The following ATRNL1 variants were observed in gnomAD, a reference collection of about 807,000 sequenced individuals.
ATRNL1 encodes attractin like 1.
A neutral mutation model predicts 182.7 loss-of-function variants in ATRNL1; 95 were observed. The ratio of observed to expected loss-of-function variants is 0.52; its 90% CI spans 0.44 to 0.62. The LOEUF (loss-of-function observed/expected upper bound fraction) is 0.62. Among genes scored for constraint, ATRNL1 ranks in the 20% least tolerant of loss-of-function variants. The pLI is 0.00. For synonymous variants in ATRNL1, 576 were observed against 568.3 expected (o/e 1.01, Z -0.19); for missense variants, 1,471 against 1,679.5 (o/e 0.88, Z 2.17).
At chr10:115,137,883 C>A (rs1278954945) in intron 5 of ATRNL1, among the ~76,000 whole-genome samples, 1 of 152,206 alleles carries the variant, frequency 6.6e-6, no homozygotes, top group Non-Finnish European at 1.5e-5. Flanking sequence ...AGTCCTAAGT[C>A]TCATCTGAGA....
chr10:115,427,760 CTT>C (rs1260994715), intron 21 of ATRNL1, among the ~76,000 whole-genome samples: 3 of 152,038 alleles, frequency 2.0e-5, no homozygotes, highest in Non-Finnish European at 2.9e-5. Flanking sequence ...TTTCTGGACT[CTT>C]TTCTGTTTCT....
intron 8 of ATRNL1, among the ~76,000 whole-genome samples, chr10:115,204,278 C>G (rs1434569556): frequency 1.1e-4 from 16 of 152,066 alleles, no homozygotes; most frequent in African/African-American, 3.6e-4. Context: ...GGATGTCTTT[C>G]ATTTTTTTCT....
chr10:115,519,523 G>C (rs1418978511), intron 25 of ATRNL1, among the ~76,000 whole-genome samples, 199 bp downstream of exon 25: 1 of 152,088 alleles, frequency 6.6e-6, no homozygotes, highest in Non-Finnish European at 1.5e-5. Flanking sequence ...TTATTTTGCT[G>C]TTATACTATT....
rs1554954499 is a variant in ATRNL1, at chr10:115,392,113, G to GTCC, written c.3176-2545_3176-2544insCCT. ...AGAAATCTAGTCCTTAAATTAGATAGTTTAATTATCCCATTATATAAATTA... is the reference window on the plus strand; with the variant it reads ...AGAAATCTAGTCCTTAAATTAGATAGTCCTTTAATTATCCCATTATATAAATTA... On this transcript the variant is annotated intron_variant, in intron 19 of 28. Transcript: ENST00000355044. 2.0e-5 allele frequency among the ~76,000 whole-genome samples: 3 copies of GTCC among 152,084 alleles called. No homozygotes were observed. In the East Asian group the frequency reaches 5.8e-4, roughly 29 times the overall value.
chr10:115,940,672 A>ACT (rs144547639), intron 28 of ATRNL1, among the ~76,000 whole-genome samples: 79,571 of 128,388 alleles, frequency 0.62, 23,126 homozygotes, highest in East Asian at 0.78. Context: ...GACAGAGATT[A>ACT]CTCTCTCTCT....
chr10:115,447,646 T>C (rs1847069134), intron 21 of ATRNL1, among the ~76,000 whole-genome samples: 1 of 151,950 alleles, frequency 6.6e-6, no homozygotes, highest in Admixed American at 6.6e-5. Flanking sequence ...AGAATATTTC[T>C]ACAGGTATAA....
chr10:115,371,850 A>C (rs975754656), intron 19 of ATRNL1, among the ~76,000 whole-genome samples: 2 of 152,154 alleles, frequency 1.3e-5, no homozygotes, highest in African/African-American at 4.8e-5. Flanking sequence ...GTCCCCACCC[A>C]AGTCTCATCT....
chr10:115,128,129 C>G (rs1458005584), intron 4 of ATRNL1, among the ~76,000 whole-genome samples: 1 of 152,138 alleles, frequency 6.6e-6, no homozygotes, highest in Non-Finnish European at 1.5e-5. Flanking sequence ...AGAGACTGTA[C>G]TGAAAGCTAT....
At chr10:115,114,261 A>T (rs980784296) in intron 1 of ATRNL1, among the ~76,000 whole-genome samples, 7 of 152,222 alleles carry the variant, frequency 4.6e-5, no homozygotes, top group Admixed American at 1.3e-4. Flanking sequence ...CTCAAAATGG[A>T]TTAAAGATTT....
At chr10:115,293,620 C>T (rs1180826480) in intron 15 of ATRNL1, among the ~76,000 whole-genome samples, 1 of 152,078 alleles carries the variant, frequency 6.6e-6, no homozygotes, top group African/African-American at 2.4e-5. Context: ...AGATGTTAGG[C>T]TCCTTTGAGC....
At chr10:115,321,260 T>C (rs1418651327) in intron 18 of ATRNL1, among the ~76,000 whole-genome samples, 2 of 152,134 alleles carry the variant, frequency 1.3e-5, no homozygotes, top group African/African-American at 2.4e-5. Context: ...TACAGTTGGG[T>C]GCCTGCGCCT....
Position 115,532,324 on chromosome 10 carries a change from C to G in ATRNL1, c.3716+13000C>G, listed in dbSNP as rs570503280. 3.9e-5 allele frequency among the ~76,000 whole-genome samples: 6 copies of G among 152,228 alleles called. No homozygotes were observed. The East Asian group carries it at 1.2e-3, about 29-fold the overall frequency. ...TTTCATCGAGTGCTGGTTTGTAGTTCTCCTTGAAGAGGTCCTTCACATCCC... is the reference window on the plus strand; with the variant it reads ...TTTCATCGAGTGCTGGTTTGTAGTTGTCCTTGAAGAGGTCCTTCACATCCC... On this transcript the variant is annotated intron_variant, in intron 25 of 28. Coordinates refer to ENST00000355044, the MANE Select transcript of ATRNL1 (RefSeq NM_207303.4).
chr10:115,449,804 G>A (rs1487374425), intron 21 of ATRNL1, among the ~76,000 whole-genome samples: 1 of 152,134 alleles, frequency 6.6e-6, no homozygotes, highest in Non-Finnish European at 1.5e-5. Context: ...TTCAATGCCA[G>A]CATCATCCTC....
chr10:115,181,884 A>T (rs1181466327), intron 8 of ATRNL1, among the ~76,000 whole-genome samples: 1 of 151,674 alleles, frequency 6.6e-6, no homozygotes, highest in Admixed American at 6.6e-5. Context: ...ACTAGTAAAA[A>T]GTTGAAAGAT....
intron 3 of ATRNL1, among the ~76,000 whole-genome samples, chr10:115,127,056 G>T (rs1845005638): frequency 1.3e-5 from 2 of 152,086 alleles, no homozygotes; most frequent in Non-Finnish European, 2.9e-5. Context: ...AAACATTAAA[G>T]TCTATATAGT....
chr10:115,742,931 C>T (rs1289065159), intron 27 of ATRNL1, among the ~76,000 whole-genome samples: 1 of 152,134 alleles, frequency 6.6e-6, no homozygotes, highest in Non-Finnish European at 1.5e-5. Context: ...CACAGTTCAG[C>T]ATGGCTGGGG....
intron 13 of ATRNL1, among the ~76,000 whole-genome samples, chr10:115,280,047 G>T (rs531787481): frequency 6.6e-6 from 1 of 152,332 alleles, no homozygotes; most frequent in East Asian, 1.9e-4. Context: ...AAAGGGATTA[G>T]GGTGATAAAT....
chr10:115,736,940 G>A (rs1296304044), intron 27 of ATRNL1, among the ~76,000 whole-genome samples: 1 of 151,792 alleles, frequency 6.6e-6, no homozygotes, highest in Non-Finnish European at 1.5e-5. Flanking sequence ...GCTAATTTTT[G>A]TATTTTCAAA....
intron 27 of ATRNL1, among the ~76,000 whole-genome samples, chr10:115,842,827 A>G (rs1215360399): frequency 1.3e-5 from 2 of 151,966 alleles, no homozygotes; most frequent in Admixed American, 6.6e-5. Context: ...CTGAGAATAC[A>G]GTCTGACCGC....
Sources: gnomAD v4.1 joint callset for allele counts (sites outside exome capture counted in the v4.1 genomes callset) on GRCh38, gnomAD v4.1.1 for gene constraint, MANE v1.5 for transcripts, NCBI Gene and HGNC (gene_info 2026-07-23, HGNC 2026-07-21) for gene names.